Variants in SGTB observed in about 807,000 individuals in gnomAD.
SGTB encodes the protein small glutamine rich tetratricopeptide repeat co-chaperone beta.
In SGTB, 19 loss-of-function variants were observed where a neutral mutation model predicts 43.9. The observed-to-expected ratio is 0.43, with a 90% CI of 0.30 to 0.63. SGTB has a LOEUF of 0.63. Ranked by LOEUF, SGTB falls within the 30% of genes least tolerant of loss-of-function variation. The pLI, the probability that SGTB is intolerant of heterozygous loss-of-function variation, is 0.12. For synonymous variants in SGTB, 116 were observed against 117.3 expected (o/e 0.99, Z 0.07); for missense variants, 304 against 358.9 (o/e 0.85, Z 1.24).
chr5:65,699,716 C>T (rs1290807480), intron 5 of SGTB, among the ~76,000 whole-genome samples: 1 of 152,214 alleles, frequency 6.6e-6, no homozygotes, highest in East Asian at 1.9e-4. Flanking sequence ...CCTCAGCCTT[C>T]CAAAGTGCTG....
intron 5 of SGTB, among the ~76,000 whole-genome samples, chr5:65,686,020 A>C (rs1757491025): frequency 6.6e-6 from 1 of 152,194 alleles, no homozygotes; most frequent in African/African-American, 2.4e-5. Flanking sequence ...TGAAGAGCCA[A>C]CTTTGGAAAA....
At position 65,666,550 on chromosome 5, in the gene SGTB, A is replaced by G. The variant is rs935659269; in HGVS notation, c.*3696T>C. The G allele has an allele frequency of 2.6e-5, 4 of 152,228 alleles. No individual in the cohort carries two copies. The highest frequency in any genetic ancestry group is 7.2e-5 in the African/African-American group (3 of 41,472). 9.4% of individuals were successfully genotyped at this position (152,228 alleles called of 1,614,324 possible). A position where few individuals can be genotyped will look rare whatever the true frequency, so the allele number is the denominator to read the frequency against. The stretch of plus-strand genomic sequence containing the variant: ...TTATTTTTCTAGTTAGATAGCAACT[A>G]TATTTCCCAGACAAGCAAGAAAATA... On this transcript the variant is annotated 3_prime_UTR_variant, in exon 11 of 11. Coordinates refer to ENST00000381007, the MANE Select transcript of SGTB (RefSeq NM_019072.3).
Position 65,670,061 on chromosome 5 carries a change from G to T in SGTB, c.*185C>A, listed in dbSNP as rs1757125958. On this transcript the variant is annotated 3_prime_UTR_variant, in exon 11 of 11. Transcript: ENST00000381007. ...GTCATGTTATGTTTTGAGTTTGTTT[G>T]TGATAAACCTATTGTCTAAACAGAT... 1 of 523,472 alleles carries T rather than the reference G, an allele frequency of 1.9e-6. No individual in the cohort carries two copies. The highest frequency in any genetic ancestry group is 3.3e-6 in the Non-Finnish European group (1 of 298,612). 32.4% of individuals were successfully genotyped at this position (523,472 alleles called of 1,614,324 possible).
chr5:65,705,558 G>A (rs1487704392), intron 4 of SGTB, among the ~76,000 whole-genome samples: 5 of 152,132 alleles, frequency 3.3e-5, no homozygotes, highest in African/African-American at 1.2e-4. Flanking sequence ...TCTTAAACCA[G>A]AAACTCTCAC....
intron 5 of SGTB, among the ~76,000 whole-genome samples, chr5:65,695,261 T>C (rs1241457427): frequency 6.6e-6 from 1 of 152,150 alleles, no homozygotes; most frequent in Non-Finnish European, 1.5e-5. Context: ...CTTCAGATTC[T>C]GACAATAAGA....
intron 4 of SGTB, 143 bp from the exon 5 acceptor site, chr5:65,704,521 A>T: frequency 1.9e-6 from 1 of 513,996 alleles, no homozygotes; most frequent in South Asian, 3.5e-5. Flanking sequence ...AAAATTTTAC[A>T]TTGTACTATA....
chr5:65,694,499 G>C (rs1200277869), intron 5 of SGTB, among the ~76,000 whole-genome samples: 1 of 152,182 alleles, frequency 6.6e-6, no homozygotes, highest in African/African-American at 2.4e-5. Flanking sequence ...TTTTGAGACA[G>C]AGTTTCGCTC....
At chr5:65,692,772 C>T (rs754906764) in intron 5 of SGTB, among the ~76,000 whole-genome samples, 12 of 152,140 alleles carry the variant, frequency 7.9e-5, no homozygotes, top group Non-Finnish European at 1.8e-4. Context: ...AATTTTCTTA[C>T]ATGTAAATGG....
intron 5 of SGTB, among the ~76,000 whole-genome samples, chr5:65,690,198 G>A (rs1370028107): frequency 2.0e-5 from 3 of 152,224 alleles, no homozygotes; most frequent in African/African-American, 4.8e-5. Context: ...AACACTTTGG[G>A]AGGTCAAGGC....
At chr5:65,677,118 A>G (rs1757281638) in intron 8 of SGTB, among the ~76,000 whole-genome samples, 1 of 152,020 alleles carries the variant, frequency 6.6e-6, no homozygotes, top group African/African-American at 2.4e-5. Flanking sequence ...TCAAACAAAC[A>G]CAATCAAAAA....
At chr5:65,678,412 C>A (rs940081667) in intron 8 of SGTB, among the ~76,000 whole-genome samples, 6 of 152,160 alleles carry the variant, frequency 3.9e-5, no homozygotes, top group Admixed American at 3.9e-4. Flanking sequence ...GTGAAAATGG[C>A]CATATTGCCT....
chr5:65,705,348 G>C (rs539517170), intron 4 of SGTB, among the ~76,000 whole-genome samples: 2 of 152,280 alleles, frequency 1.3e-5, no homozygotes, highest in Non-Finnish European at 2.9e-5. Context: ...CAGCTACTTG[G>C]AGGCTGAAGC....
chr5:65,695,621 CT>C (rs1295658317), intron 5 of SGTB, among the ~76,000 whole-genome samples: 2 of 152,156 alleles, frequency 1.3e-5, no homozygotes, highest in Non-Finnish European at 2.9e-5. Flanking sequence ...TCCAGGCACC[CT>C]TGCTTTCTTC....
At chr5:65,684,485 C>T (rs771518093) in intron 6 of SGTB, among the ~76,000 whole-genome samples, 1 of 152,158 alleles carries the variant, frequency 6.6e-6, no homozygotes, top group South Asian at 2.1e-4. Flanking sequence ...GTAATAGTTG[C>T]AAAGTTGTGG....
At chr5:65,716,424 A>G (rs1188658344) in intron 2 of SGTB, among the ~76,000 whole-genome samples, 1 of 152,250 alleles carries the variant, frequency 6.6e-6, no homozygotes, top group African/African-American at 2.4e-5. Flanking sequence ...AGGGGCAAGA[A>G]TAGAAGCAGA....
chr5:65,722,410 C>T (rs777920947), upstream of SGTB: 2 of 1,589,968 alleles, frequency 1.3e-6, no homozygotes, highest in South Asian at 2.3e-5. Context: ...GCGAAGCCTC[C>T]GCAGGTACCT....
At chr5:65,691,788 G>A (rs1313962424) in intron 5 of SGTB, among the ~76,000 whole-genome samples, 4 of 151,434 alleles carry the variant, frequency 2.6e-5, no homozygotes, top group Middle Eastern at 3.2e-3. Flanking sequence ...AAAATTAGCC[G>A]GGCGTGGTGG....
chr5:65,673,490 T>C (rs932583172), intron 8 of SGTB, among the ~76,000 whole-genome samples: 24 of 152,076 alleles, frequency 1.6e-4, no homozygotes, highest in African/African-American at 5.8e-4. Context: ...AAGAACCCTA[T>C]TGTGAACTGC....
chr5:65,715,927 G>A (rs71632537), intron 2 of SGTB, among the ~76,000 whole-genome samples: 5,012 of 152,204 alleles, frequency 0.033, 131 homozygotes, highest in Middle Eastern at 0.088. Flanking sequence ...GTGCCACCAC[G>A]CCTGGCTAAT....
Sources: gnomAD v4.1 joint callset for allele counts (sites outside exome capture counted in the v4.1 genomes callset) on GRCh38, gnomAD v4.1.1 for gene constraint, MANE v1.5 for transcripts, NCBI Gene and HGNC (gene_info 2026-07-23, HGNC 2026-07-21) for gene names.